The following EML2 variants were observed in gnomAD, a reference collection of about 807,000 sequenced individuals.
The protein encoded by EML2 is EMAP like 2, also known as echinoderm microtubule-associated protein-like 2.
Under a neutral mutation model 84.7 loss-of-function variants are expected in EML2, and 59 were observed. That is an observed-to-expected ratio of 0.70 (90% CI 0.56 to 0.86). The LOEUF is 0.86. EML2 is among the 40% of genes least tolerant of loss of function. EML2 has a pLI of 0.00. For missense variants in EML2, 818 were observed against 855.6 expected (o/e 0.96, Z 0.55); for synonymous variants, 352 against 348.9 (o/e 1.01, Z -0.10).
chr19:45,624,797 C>A lies in EML2; in HGVS notation c.763G>T (p.Val255Leu). The change falls in exon 9 of 19, where the codon GTG becomes TTG. Residue 255 changes from valine (V) to leucine (L), a missense_variant. Physicochemically the swap from Val to Leu is conservative, Grantham distance 32. Transcript: ENST00000245925. ...LFEKHEKPKY[V>L]LCVTFLEGGD... ...CCTTCCAAAAAGGTCACACACAGCACATACTTCGGTTTCTCATGTTTCTAA... is the reference window on the plus strand; with the variant it reads ...CCTTCCAAAAAGGTCACACACAGCAAATACTTCGGTTTCTCATGTTTCTAA... The A allele has an allele frequency of 1.2e-6, 2 of 1,613,406 alleles. No individual in the cohort carries two copies. Among genetic ancestry groups the A allele is most frequent in the Non-Finnish European group, 1.7e-6 (2 of 1,179,696 alleles).
chr19:45,626,966 T>TC (rs1174135027), intron 7 of EML2, 127 bp from the exon 8 acceptor site: 2 of 929,056 alleles, frequency 2.2e-6, no homozygotes, highest in African/African-American at 3.4e-5. Context: ...TTTTCTTTTT[T>TC]TTTTTTTTTT....
intron 12 of EML2, 186 bp downstream of exon 12, chr19:45,618,874 G>C: frequency 4.3e-6 from 2 of 461,142 alleles, no homozygotes; most frequent in South Asian, 7.7e-5. Flanking sequence ...TTGAACCCGG[G>C]AGGCGGAGGT....
upstream of EML2, among the ~76,000 whole-genome samples, chr19:45,639,746 C>G (rs1974231470): frequency 6.6e-6 from 1 of 152,154 alleles, no homozygotes; most frequent in African/African-American, 2.4e-5. Context: ...GTAATCCCAG[C>G]ACTTTGGGAG....
In EML2 at chr19:45,624,585, A is replaced by C. The variant is rs148903204; in HGVS notation, c.841+134T>G. The C allele has an allele frequency of 6.7e-3, 4,456 of 663,692 alleles. 118 individuals are homozygous for C. The highest frequency in any genetic ancestry group is 2.0e-3 in the Non-Finnish European group (739 of 377,786). The allele number at this position is 663,692 out of a possible 1,614,324, so 41.1% of individuals were successfully genotyped here. The stretch of plus-strand genomic sequence containing the variant: ...CCTGGAGATAGGGATACTTGAGCTG[A>C]ACCTTGACGAGGGTGTTGGAATCGG... On this transcript the variant is annotated intron_variant, in intron 9 of 18. Transcript: ENST00000245925.
chr19:45,642,109 C>T (rs1974579408), upstream of EML2: 5 of 1,470,244 alleles, frequency 3.4e-6, no homozygotes, highest in Middle Eastern at 1.8e-4. Flanking sequence ...CTCCCCATCC[C>T]ACCCCTCCAG....
At chr19:45,632,527 G>GT (rs547296232) in intron 6 of EML2, 2 of 245,148 alleles carry the variant, frequency 8.2e-6, no homozygotes, top group Non-Finnish European at 1.6e-5. Flanking sequence ...ACACTTGGAT[G>GT]TTGTGGTGTT....
At chr19:45,612,547 G>A (rs565965158) in intron 18 of EML2, among the ~76,000 whole-genome samples, 2 of 152,234 alleles carry the variant, frequency 1.3e-5, no homozygotes, top group East Asian at 3.9e-4. Context: ...GGTGGTGCAC[G>A]CCTGTAGTCC....
chr19:45,616,188 A>G, intron 15 of EML2: 1 of 541,280 alleles, frequency 1.8e-6, no homozygotes, highest in Non-Finnish European at 3.3e-6. Flanking sequence ...GCGGGGCTAC[A>G]CAGAGGGGCG....
At position 45,613,651 on chromosome 19, in the gene EML2, C is replaced by T; in HGVS notation, c.1714G>A (p.Asp572Asn). ...GCCACAGCGTTGATATCAGTGCCGT[C>T]CGCCCCCTCAGACCAGATCCCTGTG... The part of the protein sequence containing the change: ...GVFGIWSEGA[D>N]GTDINAVARS... The change falls in exon 18 of 19, where the codon GAC (aspartate) becomes AAC (asparagine). Residue 572 changes from aspartate to asparagine, a missense_variant. Transcript: ENST00000245925. The T allele has an allele frequency of 1.2e-6, 2 of 1,614,082 alleles. No individual in the cohort carries two copies. The highest frequency in any genetic ancestry group is 1.7e-6 in the Non-Finnish European group (2 of 1,179,974).
At chr19:45,641,671 G>C (rs760708376), upstream of EML2, 175 of 1,536,040 alleles carry the variant, frequency 1.1e-4, no homozygotes, top group Non-Finnish European at 1.5e-4. Context: ...GTTGCTGCTG[G>C]AGGATGTGGT....
chr19:45,627,256 CT>C lies in EML2; in HGVS notation c.607-418del, dbSNP rs72487266. ...ACAGGCGTGAGCCACTGCGCCCGGC[CT>C]TTTTTTTTTTTTTTTTGAATATGAG... On this transcript the variant is annotated intron_variant, in intron 7 of 18. Transcript: ENST00000245925. Among the ~76,000 whole-genome samples, 465 of 135,568 alleles carry C rather than the reference CT, an allele frequency of 3.4e-3. 5 individuals carry two copies. Among genetic ancestry groups the C allele is most frequent in the Admixed American group, 5.4e-3 (72 of 13,398 alleles). The allele number at this position is 135,568 out of a possible 152,430, so 88.9% of individuals were successfully genotyped here.
At chr19:45,611,170 G>A (rs922966626) in intron 18 of EML2, among the ~76,000 whole-genome samples, 2 of 152,146 alleles carry the variant, frequency 1.3e-5, no homozygotes, top group African/African-American at 2.4e-5. Context: ...AGCACTTTGG[G>A]AGGCCGAGGC....
intron 11 of EML2, chr19:45,620,942 C>T: frequency 1.7e-6 from 1 of 574,852 alleles, no homozygotes; most frequent in Non-Finnish European, 3.3e-6. Context: ...TGTAGGGACA[C>T]TCACCAACCT....
chr19:45,641,912 C>T, upstream of EML2: 2 of 1,443,726 alleles, frequency 1.4e-6, no homozygotes, highest in Non-Finnish European at 1.8e-6. Context: ...CGGCCTTGTG[C>T]CTTACCTGCG....
At chr19:45,642,272 C>T (rs1600248633), upstream of EML2, 10 of 1,535,996 alleles carry the variant, frequency 6.5e-6, no homozygotes, top group South Asian at 1.2e-5. Flanking sequence ...GCCAGCTCGT[C>T]TTCCTGTAAC....
chr19:45,645,353 C>T, upstream of EML2: 1 of 1,529,384 alleles, frequency 6.5e-7, no homozygotes, highest in Non-Finnish European at 8.7e-7. Flanking sequence ...CCCACCACAG[C>T]CACCGCCGGC....
At position 45,630,119 on chromosome 19, in the gene EML2, G is replaced by C. The variant is rs1237022059; in HGVS notation, c.511-73C>G. On this transcript the variant is annotated intron_variant, in intron 6 of 18. Coordinates refer to ENST00000245925, the MANE Select transcript of EML2 (RefSeq NM_012155.4). ...CCCATCCTCCCCCCATGCCCACCAA[G>C]GCATTCACCACACAGGCCTGTTTTA... The C allele has an allele frequency of 8.8e-5, 96 of 1,094,990 alleles. 2 individuals carry two copies. The highest frequency in any genetic ancestry group is 1.1e-4 in the Non-Finnish European group (82 of 723,484). The allele number at this position is 1,094,990 out of a possible 1,614,324, so 67.8% of individuals were successfully genotyped here. A position where few individuals can be genotyped will look rare whatever the true frequency, so the allele number is the denominator to read the frequency against.
At chr19:45,639,211 C>T (rs1427265209) in intron 1 of EML2, 146 bp downstream of exon 1, 6 of 925,772 alleles carry the variant, frequency 6.5e-6, no homozygotes, top group Non-Finnish European at 7.8e-6. Context: ...GCACACCAAA[C>T]GTCAAGCAGA....
chr19:45,616,149 ACGG>A (rs1971033097), intron 15 of EML2: 1 of 536,102 alleles, frequency 1.9e-6, no homozygotes, highest in East Asian at 3.1e-5. Context: ...AGGGCTAGAC[ACGG>A]AGGAGCTGGC....
Sources: gnomAD v4.1 joint callset for allele counts (sites outside exome capture counted in the v4.1 genomes callset) on GRCh38, gnomAD v4.1.1 for gene constraint, MANE v1.5 for transcripts, NCBI Gene and HGNC (gene_info 2026-07-23, HGNC 2026-07-21) for gene names.